Variants in SIK3 observed in about 807,000 individuals in gnomAD.
The protein encoded by SIK3 is serine/threonine-protein kinase SIK3.
In SIK3, 28 loss-of-function variants were observed where a neutral mutation model predicts 144.2. The ratio of observed to expected loss-of-function variants is 0.19; its 90% CI spans 0.14 to 0.27. The LOEUF (loss-of-function observed/expected upper bound fraction) is 0.27. Ranked by LOEUF, SIK3 falls within the 10% of genes least tolerant of loss-of-function variation. The pLI, the probability that SIK3 is intolerant of heterozygous loss-of-function variation, is 1.00. For synonymous variants in SIK3, 686 were observed against 676.3 expected, an observed-to-expected ratio of 1.01 and a Z score of -0.22; for missense variants, 1,319 against 1,776.0, an observed-to-expected ratio of 0.74 and a Z score of 4.62.
chr11:116,954,589 T>A (rs1949071765), intron 2 of SIK3, among the ~76,000 whole-genome samples: 1 of 152,064 alleles, frequency 6.6e-6, no homozygotes, highest in Non-Finnish European at 1.5e-5. Context: ...ATGACAACTT[T>A]CCTTTCCACT....
intron 1 of SIK3, among the ~76,000 whole-genome samples, chr11:117,083,395 T>G (rs964421162): frequency 6.6e-6 from 1 of 152,190 alleles, no homozygotes; most frequent in African/African-American, 2.4e-5. Context: ...AGAATTACCA[T>G]ACACATGTAA....
At chr11:117,013,951 T>TGTGTGTGTG (rs1350690829) in intron 1 of SIK3, among the ~76,000 whole-genome samples, 16 of 95,346 alleles carry the variant, frequency 1.7e-4, no homozygotes, top group African/African-American at 4.0e-4. Context: ...TGTGTGTGTG[T>TGTGTGTGTG]TTTATTTCTT....
At chr11:116,954,835 CTCCA>C (rs1949079875) in intron 2 of SIK3, among the ~76,000 whole-genome samples, 1 of 152,150 alleles carries the variant, frequency 6.6e-6, no homozygotes, top group Non-Finnish European at 1.5e-5. Flanking sequence ...TCCCAATCTC[CTCCA>C]TCTCAATCCC....
intron 6 of SIK3, chr11:116,893,905 C>T (rs552113686): frequency 6.0e-6 from 1 of 166,534 alleles, no homozygotes; most frequent in East Asian, 1.9e-4. Context: ...TTTGTTGCAA[C>T]CACATGATTA....
chr11:116,883,589 TA>T lies in SIK3; in HGVS notation c.866-6548del, dbSNP rs545303806. Among the ~76,000 whole-genome samples the T allele has an allele frequency of 9.8e-5, 15 of 152,296 alleles. No individual in the cohort carries two copies. The South Asian group carries it at 3.1e-3, about 32-fold the overall frequency. On this transcript the variant is annotated intron_variant, in intron 6 of 24. Coordinates refer to ENST00000445177, the MANE Select transcript of SIK3 (RefSeq NM_001366686.3). ...CCAGCTAAGATCAAACCTATTTATT[TA>T]ACATAGTCACTATTTAAAAATGTAA...
Position 116,849,082 on chromosome 11 carries a change from G to A in SIK3, c.3819+38C>T, listed in dbSNP as rs779771494. On this transcript the variant is annotated intron_variant, in intron 22 of 24. Transcript: ENST00000445177. This position sits in a 1 kb window ranked among gnomAD's most constrained non-coding sequence, Gnocchi z 4.2. ...TACTCTGTTTCAAGGCTGGGACTGGGAGGATCCACCTCTGTGCAGCAGGTG... is the reference window on the plus strand; with the variant it reads ...TACTCTGTTTCAAGGCTGGGACTGGAAGGATCCACCTCTGTGCAGCAGGTG... 21 of 1,545,020 alleles carry A rather than the reference G, an allele frequency of 1.4e-5. No individual in the cohort carries two copies. In the South Asian group the frequency reaches 2.5e-4, roughly 18 times the overall value.
In SIK3 at chr11:116,848,993, C is replaced by T. The variant is rs191758198; in HGVS notation, c.3819+127G>A. 7.3e-5 allele frequency: 80 copies of T among 1,101,612 alleles called. No homozygotes were observed. The Admixed American group carries it at 1.5e-3, about 20-fold the overall frequency. The allele number at this position is 1,101,612 out of a possible 1,614,324, so 68.2% of individuals were successfully genotyped here. On this transcript the variant is annotated intron_variant, in intron 22 of 24. Coordinates refer to ENST00000445177, the MANE Select transcript of SIK3 (RefSeq NM_001366686.3). ...AGAAAAAAAAAGAAATGCTCCCCAC[C>T]GTTTCCAGAAAGGCTGAATGCTGAC...
At chr11:117,044,284 C>T (rs1952863181) in intron 1 of SIK3, among the ~76,000 whole-genome samples, 1 of 152,104 alleles carries the variant, frequency 6.6e-6, no homozygotes, top group Non-Finnish European at 1.5e-5. Context: ...AACTATGCTT[C>T]TAAAAAAGTT....
At chr11:116,927,954 A>G (rs576114289) in intron 3 of SIK3, among the ~76,000 whole-genome samples, 108 of 152,360 alleles carry the variant, frequency 7.1e-4, no homozygotes, top group African/African-American at 2.5e-3. Flanking sequence ...TCTGGAGTGC[A>G]TAGCGATATA....
At chr11:116,900,564 A>G (rs946930120) in intron 4 of SIK3, among the ~76,000 whole-genome samples, 12 of 152,122 alleles carry the variant, frequency 7.9e-5, no homozygotes, top group Admixed American at 5.2e-4. Context: ...ACCCAGCTCC[A>G]TCCTATGTTT....
At chr11:116,857,669 G>A in intron 21 of SIK3, 141 bp downstream of exon 21, 1 of 1,401,662 alleles carries the variant, frequency 7.1e-7, no homozygotes, top group Non-Finnish European at 9.4e-7. Flanking sequence ...CTTCCTACAT[G>A]CTTCTCCCCA....
At chr11:117,011,296 T>C (rs919056873) in intron 1 of SIK3, among the ~76,000 whole-genome samples, 1 of 152,094 alleles carries the variant, frequency 6.6e-6, no homozygotes, top group Non-Finnish European at 1.5e-5. Flanking sequence ...TTAGTCAAGC[T>C]AAACCACAGC....
At chr11:116,866,416 G>A (rs1433401405) in intron 15 of SIK3, among the ~76,000 whole-genome samples, 3 of 151,206 alleles carry the variant, frequency 2.0e-5, no homozygotes, top group Non-Finnish European at 4.5e-5. Context: ...GAGAAGGCAG[G>A]TCTCCAGTAA....
At chr11:116,955,582 A>C (rs1248970580) in intron 2 of SIK3, among the ~76,000 whole-genome samples, 4 of 152,120 alleles carry the variant, frequency 2.6e-5, no homozygotes, top group Non-Finnish European at 5.9e-5. Flanking sequence ...CTATAAGTCA[A>C]CCTCTTGAGA....
chr11:116,858,623 G>A lies in SIK3; in HGVS notation c.2842C>T (p.Arg948Trp), dbSNP rs767005637. The A allele has an allele frequency of 6.2e-6, 10 of 1,606,062 alleles. No individual in the cohort carries two copies. The highest frequency in any genetic ancestry group is 2.2e-5 in the East Asian group (1 of 44,812). ...LHPHLFSDQS[R>W]GSPSSYSPST... ...GGGCTGTAGCTGCTGGGGGAACCCCGGGACTGGTCCGAAAACAGATGGGGG... is the reference window on the plus strand; with the variant it reads ...GGGCTGTAGCTGCTGGGGGAACCCCAGGACTGGTCCGAAAACAGATGGGGG... The change falls in exon 21 of 25, where the codon CGG becomes TGG. Residue 948 changes from arginine to tryptophan, a missense_variant. This residue lies in a region of SIK3 where 646 missense variants were observed against 763.7 expected (regional missense o/e 0.85). Transcript: ENST00000445177. The surrounding 1 kb of genome is among the most constrained non-coding windows in gnomAD (Gnocchi z 5.4).
intron 1 of SIK3, among the ~76,000 whole-genome samples, chr11:117,057,306 TACG>T (rs1953580099): frequency 6.6e-6 from 1 of 152,208 alleles, no homozygotes; most frequent in African/African-American, 2.4e-5. Flanking sequence ...TAATTTTTCT[TACG>T]AAGTACATAA....
intron 4 of SIK3, among the ~76,000 whole-genome samples, chr11:116,909,336 T>C (rs1449172104): frequency 2.0e-5 from 3 of 151,310 alleles, no homozygotes; most frequent in African/African-American, 4.9e-5. Context: ...AAAACACCTA[T>C]AAAGTAGAGC....
chr11:116,921,641 T>G (rs7934763), intron 4 of SIK3, among the ~76,000 whole-genome samples: 25,285 of 152,208 alleles, frequency 0.17, 2,225 homozygotes, highest in Admixed American at 0.22. Context: ...AGTGCTGAGA[T>G]TACGGGCATG....
intron 1 of SIK3, among the ~76,000 whole-genome samples, chr11:116,987,321 T>TAAAAAAAAAAAAA (rs35342917): frequency 3.6e-5 from 5 of 137,270 alleles, no homozygotes; most frequent in Non-Finnish European, 6.2e-5. Context: ...CATAAAAGAT[T>TAAAAAAAAAAAAA]AAAAAAAAAA....
Sources: allele counts gnomAD v4.1 joint callset (sites outside exome capture counted in the v4.1 genomes callset), GRCh38; gene constraint gnomAD v4.1.1; regional missense constraint gnomAD v4.1.1; non-coding constraint Gnocchi (gnomAD v3.1); transcripts MANE v1.5; gene names NCBI Gene and HGNC (gene_info 2026-07-23, HGNC 2026-07-21).